Variants in CLCN1 observed in about 807,000 individuals in gnomAD.
The protein encoded by CLCN1 is chloride voltage-gated channel 1.
A neutral mutation model predicts 114.5 loss-of-function variants in CLCN1; 100 were observed. That is an observed-to-expected ratio of 0.87 (90% CI 0.74 to 1.03). The LOEUF (loss-of-function observed/expected upper bound fraction) is 1.03, where lower values mean the gene tolerates loss of function less well. CLCN1 is among the 50% of genes least tolerant of loss of function. The pLI, the probability that CLCN1 is intolerant of heterozygous loss-of-function variation, is 0.00. For synonymous variants in CLCN1, 485 were observed against 487.1 expected, an observed-to-expected ratio of 1.00 and a Z score of 0.06; for missense variants, 1,188 against 1,250.0, an observed-to-expected ratio of 0.95 and a Z score of 0.75.
intron 12 of CLCN1, among the ~76,000 whole-genome samples, chr7:143,336,067 G>A (rs1802878291): frequency 1.3e-5 from 2 of 152,238 alleles, no homozygotes; most frequent in South Asian, 2.1e-4. Context: ...TTTACAATGA[G>A]TATGAATACC....
chr7:143,348,649 T>C (rs1212070977), intron 20 of CLCN1, among the ~76,000 whole-genome samples: 2 of 152,172 alleles, frequency 1.3e-5, no homozygotes, highest in Non-Finnish European at 2.9e-5. Flanking sequence ...ATGTTGATAT[T>C]GACCAAAAAA....
In CLCN1 at chr7:143,347,088, A is replaced by C; in HGVS notation, c.2403+139A>C. Reference sequence around the variant, plus strand: ...GAAGTGTTTTGAGAGGATGGAAATAAGGATGATTATGGAGAGAGTAATGAG... The same window carrying C: ...GAAGTGTTTTGAGAGGATGGAAATACGGATGATTATGGAGAGAGTAATGAG... On this transcript the variant is annotated intron_variant, in intron 20 of 22. Transcript: ENST00000343257. 16 of 814,026 alleles carry C rather than the reference A, an allele frequency of 2.0e-5. No individual in the cohort carries two copies. The South Asian group carries it at 2.2e-4, about 11-fold the overall frequency. 50.4% of individuals were successfully genotyped at this position (814,026 alleles called of 1,614,324 possible). A position where few individuals can be genotyped will look rare whatever the true frequency, so the allele number is the denominator to read the frequency against.
intron 12 of CLCN1, 77 bp downstream of exon 12, chr7:143,332,950 G>T (rs1802770800): frequency 6.8e-7 from 1 of 1,481,162 alleles, no homozygotes; most frequent in East Asian, 2.3e-5. Flanking sequence ...GCATAGGGTA[G>T]GAAGGGGTAG....
chr7:143,351,926 A>G lies in CLCN1; in HGVS notation c.2928A>G (p.Arg976=). 6.2e-7 allele frequency: 1 copy of G among 1,613,584 alleles called. No individual in the cohort carries two copies. The highest frequency in any genetic ancestry group is 8.5e-7 in the Non-Finnish European group (1 of 1,180,018). Residue 976 remains arginine, a synonymous_variant, in exon 23 of 23, where the codon CGA becomes CGG. Coordinates refer to ENST00000343257, the MANE Select transcript of CLCN1 (RefSeq NM_000083.3). The part of the protein sequence containing the change: ...LADILQGPSL[R]STDEEDEDEL... ...ACATCTTGCAGGGCCCCAGCCTGCG[A>G]TCCACAGACGAGGAGGATGAGGATG...
At position 143,334,956 on chromosome 7, in the gene CLCN1, G is replaced by T. The variant is rs1055719779; in HGVS notation, c.1401+2083G>T. 2.0e-5 allele frequency among the ~76,000 whole-genome samples: 3 copies of T among 152,132 alleles called. No individual in the cohort carries two copies. In the South Asian group the frequency reaches 6.2e-4, roughly 31 times the overall value. On this transcript the variant is annotated intron_variant, in intron 12 of 22. Coordinates refer to ENST00000343257, the MANE Select transcript of CLCN1 (RefSeq NM_000083.3). ...CCAACCTCCTATAATTAGTTGTTGA[G>T]TACACAAACCCATCTACAGTAACCA...
chr7:143,333,079 AC>A (rs1802773700), intron 12 of CLCN1, among the ~76,000 whole-genome samples: 1 of 152,168 alleles, frequency 6.6e-6, no homozygotes, highest in African/African-American at 2.4e-5. Context: ...CAGGTGGATC[AC>A]TTGATGCCAG....
intron 6 of CLCN1, chr7:143,323,843 C>T (rs1802514254): frequency 2.1e-6 from 1 of 473,874 alleles, no homozygotes; most frequent in African/African-American, 2.0e-5. Context: ...GCTTGACCTC[C>T]TGGTGTCGGC....
chr7:143,337,035 C>G (rs1345240575), intron 12 of CLCN1, among the ~76,000 whole-genome samples: 1 of 152,192 alleles, frequency 6.6e-6, no homozygotes, highest in Non-Finnish European at 1.5e-5. Context: ...GCTTAAATTA[C>G]AAGTGCCTAT....
intron 7 of CLCN1, among the ~76,000 whole-genome samples, chr7:143,327,557 A>T (rs1034596259): frequency 6.6e-6 from 1 of 152,254 alleles, no homozygotes; most frequent in Non-Finnish European, 1.5e-5. Flanking sequence ...GACGATTGTC[A>T]TAGTCCTGAT....
rs1803087610 is a variant in CLCN1 at position 143,341,932 on chromosome 7, C to T, written c.1586C>T (p.Ala529Val). Residue 529 changes from alanine (A) to valine (V), a missense_variant, in exon 15 of 23, where the codon GCA becomes GTA. Ala to Val is a moderately conservative substitution (Grantham distance 64). Transcript: ENST00000343257. ...GCGTATTCCTGTGTCATTCTAGGAG[C>T]AGCAGCGCTGACTGGTGCCGTTTCC... ...ILPGGYAVIG[A>V]AALTGAVSHT... 2.5e-6 allele frequency: 4 copies of T among 1,612,870 alleles called. No individual in the cohort carries two copies. Among genetic ancestry groups the T allele is most frequent in the Non-Finnish European group, 2.5e-6 (3 of 1,179,716 alleles).
chr7:143,350,986 C>T lies in CLCN1; in HGVS notation c.2595+332C>T, dbSNP rs1803382727. The stretch of plus-strand genomic sequence containing the variant: ...AGAGACGGGGTTTTGCCATGTTGGG[C>T]AGGCTAGTCTCAAACTCCTGACCTC... On this transcript the variant is annotated intron_variant, in intron 22 of 22. Transcript: ENST00000343257. The surrounding 1 kb of genome is among the most constrained non-coding windows in gnomAD (Gnocchi z 5.1). Among the ~76,000 whole-genome samples the T allele has an allele frequency of 6.6e-6, 1 of 152,124 alleles. No homozygotes were observed.
In CLCN1 at chr7:143,331,544, C is replaced by A; in HGVS notation, c.1065-7C>A. The A allele has an allele frequency of 1.3e-6, 2 of 1,592,736 alleles. No individual in the cohort carries two copies. The highest frequency in any genetic ancestry group is 1.3e-5 in the African/African-American group (1 of 74,564). ...TAAGATTCCAACTCTATAAATTACACCCTCAGGATTTGCTGTGGGCTCCTG... is the reference window on the plus strand; with the variant it reads ...TAAGATTCCAACTCTATAAATTACAACCTCAGGATTTGCTGTGGGCTCCTG... On this transcript the variant is annotated splice_region_variant and splice_polypyrimidine_tract_variant and intron_variant, in intron 9 of 22. Coordinates refer to ENST00000343257, the MANE Select transcript of CLCN1 (RefSeq NM_000083.3).
chr7:143,342,845 G>A (rs762307350), intron 16 of CLCN1, among the ~76,000 whole-genome samples: 2 of 151,914 alleles, frequency 1.3e-5, no homozygotes, highest in Non-Finnish European at 2.9e-5. Flanking sequence ...GTGCATGCCT[G>A]TAATTAGAAC....
rs1441618334 is a variant in CLCN1, at chr7:143,346,940, A to T, written c.2394A>T (p.Ser798=). Residue 798 remains serine, a synonymous_variant, in exon 20 of 23, where the codon TCA becomes TCT. Transcript: ENST00000343257. ...QDSTDLVDNM[S]PEEIEAWEQE... is the part of the protein sequence containing the mutation. ...CCACAGATTTAGTGGATAACATGTCACCTGAAGAGGTGAGTAAGGGAAATG... is the reference window on the plus strand; with the variant it reads ...CCACAGATTTAGTGGATAACATGTCTCCTGAAGAGGTGAGTAAGGGAAATG... The T allele has an allele frequency of 6.2e-7, 1 of 1,613,630 alleles. No homozygotes were observed. The highest frequency in any genetic ancestry group is 1.7e-5 in the Admixed American group (1 of 60,020).
At chr7:143,348,723 A>G (rs958554980) in intron 20 of CLCN1, among the ~76,000 whole-genome samples, 1 of 152,240 alleles carries the variant, frequency 6.6e-6, no homozygotes, top group African/African-American at 2.4e-5. Flanking sequence ...AGTCCCTACT[A>G]GGATTTGTTT....
chr7:143,322,896 T>C (rs941096930), intron 5 of CLCN1, among the ~76,000 whole-genome samples: 5 of 152,242 alleles, frequency 3.3e-5, no homozygotes, highest in African/African-American at 9.6e-5. Flanking sequence ...GCCCCTGCTT[T>C]CCTGTGTTTG....
In CLCN1 at chr7:143,331,324, G is replaced by A; in HGVS notation, c.1064+8G>A. 1.3e-6 allele frequency: 2 copies of A among 1,587,980 alleles called. No individual in the cohort carries two copies. The highest frequency in any genetic ancestry group is 2.2e-5 in the South Asian group (2 of 90,554). ...AGCTTTTGCTGCCATCGGGTCAGTG[G>A]GGTTACCTGCTCTGTGTGTGGTGAG... On this transcript the variant is annotated splice_region_variant and intron_variant, in intron 9 of 22. Transcript: ENST00000343257.
intron 16 of CLCN1, 119 bp from the exon 17 acceptor site, chr7:143,345,402 G>A: frequency 7.8e-7 from 1 of 1,284,130 alleles, no homozygotes; most frequent in Non-Finnish European, 1.0e-6. Context: ...AGGAAGCTGA[G>A]AAAGATGTGG....
At chr7:143,351,458 C>A in intron 22 of CLCN1, 136 bp from the exon 23 acceptor site, 1 of 875,346 alleles carries the variant, frequency 1.1e-6, no homozygotes, top group East Asian at 2.6e-5. Flanking sequence ...TTCTCTTTCT[C>A]CCCGTTTTGC....
Sources: gnomAD v4.1 joint callset for allele counts (sites outside exome capture counted in the v4.1 genomes callset) on GRCh38, gnomAD v4.1.1 for gene constraint, Gnocchi (gnomAD v3.1) non-coding constraint, MANE v1.5 for transcripts, NCBI Gene and HGNC (gene_info 2026-07-23, HGNC 2026-07-21) for gene names.